Variants in STAG3 observed in about 807,000 individuals in gnomAD.
STAG3 encodes STAG3 cohesin complex component.
Under a neutral mutation model 160.7 loss-of-function variants are expected in STAG3, and 101 were observed. The observed-to-expected ratio is 0.63, with a 90% CI of 0.54 to 0.74. STAG3 has a LOEUF of 0.74. Among genes scored for constraint, STAG3 ranks in the 30% least tolerant of loss-of-function variants. The pLI, the probability that STAG3 is intolerant of heterozygous loss-of-function variation, is 0.00. For missense variants in STAG3, 1,188 were observed against 1,517.4 expected, an observed-to-expected ratio of 0.78 and a Z score of 3.61; for synonymous variants, 519 against 585.0, an observed-to-expected ratio of 0.89 and a Z score of 1.63.
intron 24 of STAG3, 39 bp from the exon 25 acceptor site, chr7:100,202,415 T>G (rs749105745): frequency 1.2e-6 from 2 of 1,610,368 alleles, no homozygotes; most frequent in Admixed American, 3.3e-5. Flanking sequence ...GGCAGGAAGC[T>G]TAAGTCTGTG....
chr7:100,182,307 C>G (rs192812211), intron 3 of STAG3, 115 bp downstream of exon 3: 2 of 708,280 alleles, frequency 2.8e-6, no homozygotes, highest in Non-Finnish European at 4.8e-6. Context: ...TGCAGTGAGC[C>G]GAGATTGCGC....
At chr7:100,213,852 G>T in intron 33 of STAG3, 46 bp downstream of exon 33, 1 of 1,614,110 alleles carries the variant, frequency 6.2e-7, no homozygotes, top group Non-Finnish European at 8.5e-7. Flanking sequence ...GGAAATGCTG[G>T]CAGGCAACCC....
chr7:100,206,087 T>C (rs1035964836), intron 29 of STAG3, among the ~76,000 whole-genome samples: 7 of 151,952 alleles, frequency 4.6e-5, no homozygotes, highest in Admixed American at 2.6e-4. Flanking sequence ...CCATCTCGGC[T>C]CACTGCAAGC....
chr7:100,205,988 CTTA>C (rs1407747827), intron 29 of STAG3, among the ~76,000 whole-genome samples: 2 of 152,062 alleles, frequency 1.3e-5, no homozygotes, highest in Non-Finnish European at 2.9e-5. Context: ...CACCTGTTGT[CTTA>C]TAAGTTGCCT....
At position 100,204,848 on chromosome 7, in the gene STAG3, A is replaced by G. The variant is rs908061787; in HGVS notation, c.2951+73A>G. 9.6e-6 allele frequency: 15 copies of G among 1,560,262 alleles called. No individual in the cohort carries two copies. The African/African-American group carries it at 1.5e-4, about 16-fold the overall frequency. On this transcript the variant is annotated intron_variant, in intron 27 of 33. Transcript: ENST00000615138. ...GGTCTTGGAGGGAGGTCTCGGAGGG[A>G]GGGTATGTGTGTCAAGGCATAGCAG...
chr7:100,199,363 C>T lies in STAG3; in HGVS notation c.1569C>T (p.Asp523=). The part of the protein sequence containing the change: ...EGLTSLLLEK[D]QNLGDVQEST... ...TGACAAGCCTGCTGCTGGAGAAGGA[C>T]CAGAGTACGTGTCACACGGAGCCAG... is the stretch of plus-strand genomic sequence containing the variant. The change falls in exon 15 of 34, where the codon GAC becomes GAT. Residue 523 remains aspartate (D), a synonymous_variant. Transcript: ENST00000615138. 1 of 1,613,446 alleles carries T rather than the reference C, an allele frequency of 6.2e-7. No individual in the cohort carries two copies. The highest frequency in any genetic ancestry group is 8.5e-7 in the Non-Finnish European group (1 of 1,179,416).
intron 5 of STAG3, among the ~76,000 whole-genome samples, chr7:100,186,828 T>A (rs1210522518): frequency 1.3e-5 from 2 of 152,240 alleles, no homozygotes; most frequent in Non-Finnish European, 2.9e-5. Context: ...TGGCACAAAT[T>A]TGAAGACACC....
rs550540407 is a variant in STAG3 at position 100,197,558 on chromosome 7, G to A, written c.1066-220G>A. On this transcript the variant is annotated intron_variant, in intron 10 of 33. Coordinates refer to ENST00000615138, the MANE Select transcript of STAG3 (RefSeq NM_001282717.2). ...ATGGATGGTAATGCAGGTGCTAAGG[G>A]GCAGCCAAAGGATCCTTCTCATCAT... 6.0e-5 allele frequency: 38 copies of A among 634,452 alleles called. No homozygotes were observed. In the East Asian group the frequency reaches 8.0e-4, roughly 13 times the overall value. The allele number at this position is 634,452 out of a possible 1,614,324, so 39.3% of individuals were successfully genotyped here.
At chr7:100,213,174 A>T in intron 32 of STAG3, 1 of 349,124 alleles carries the variant, frequency 2.9e-6, no homozygotes, top group Non-Finnish European at 4.1e-6. Context: ...GCCTGGGCTT[A>T]GAAGGGCATT....
downstream of STAG3, among the ~76,000 whole-genome samples, chr7:100,214,689 G>GCCA (rs1802611389): frequency 6.6e-6 from 1 of 152,150 alleles, no homozygotes; most frequent in Non-Finnish European, 1.5e-5. Context: ...GCCAGGCCAG[G>GCCA]CCATGTGTCC....
At chr7:100,198,765 C>G (rs557251223) in intron 13 of STAG3, 78 bp from the exon 14 acceptor site, 1 of 1,351,894 alleles carries the variant, frequency 7.4e-7, no homozygotes, top group South Asian at 1.2e-5. Context: ...TCTCCTTGGG[C>G]CATCTCCTCC....
At chr7:100,186,137 A>T in intron 4 of STAG3, 63 bp from the exon 5 acceptor site, 1 of 1,280,360 alleles carries the variant, frequency 7.8e-7, no homozygotes, top group Non-Finnish European at 1.1e-6. Flanking sequence ...TGGGAAGATC[A>T]TATAGGATTT....
chr7:100,199,445 G>T, intron 15 of STAG3, 78 bp downstream of exon 15: 1 of 1,549,364 alleles, frequency 6.5e-7, no homozygotes. Context: ...TGCTTCACTT[G>T]TACAAGGCAG....
At chr7:100,200,122 A>C in intron 16 of STAG3, 114 bp from the exon 17 acceptor site, 1 of 663,394 alleles carries the variant, frequency 1.5e-6, no homozygotes. Flanking sequence ...CGTGGGAGCT[A>C]CTGAGTTCTC....
chr7:100,205,192 G>T (rs370772042), intron 28 of STAG3, 35 bp from the exon 29 acceptor site: 9 of 1,613,310 alleles, frequency 5.6e-6, no homozygotes, highest in Non-Finnish European at 7.6e-6. Context: ...GGGCCCAGTA[G>T]CCCCTTCAGG....
In STAG3 at chr7:100,213,940, G is replaced by A. The variant is rs1422870538; in HGVS notation, c.3673-67G>A. 7 of 1,613,634 alleles carry A rather than the reference G, an allele frequency of 4.3e-6. No homozygotes were observed. The South Asian group carries it at 7.7e-5, about 18-fold the overall frequency. ...CTCTGGGGCTTTGAGGGTAACCCAG[G>A]GGAGGATGGTCTGCCCATTGGCCCG... On this transcript the variant is annotated intron_variant, in intron 33 of 33. Coordinates refer to ENST00000615138, the MANE Select transcript of STAG3 (RefSeq NM_001282717.2).
Position 100,202,567 on chromosome 7 carries a change from G to A in STAG3, c.2677G>A (p.Asp893Asn), listed in dbSNP as rs750218368. Residue 893 changes from aspartate to asparagine, a missense_variant, in exon 25 of 34, where the codon GAT becomes AAT. Physicochemically the swap from Asp to Asn is conservative, Grantham distance 23. Around this residue, in one of 4 missense-constraint regions of STAG3, gnomAD observed 647 missense variants for 717.2 expected, o/e 0.90. Transcript: ENST00000615138. ...GGTGCTGGAGATGGATGCAGCCTCA[G>A]ATGTTTTCAAACACTACAACAAGGT... ...YGVLEMDAAS[D>N]VFKHYNKFYN... 1 of 1,613,906 alleles carries A rather than the reference G, an allele frequency of 6.2e-7. No individual in the cohort carries two copies. The highest frequency in any genetic ancestry group is 1.3e-5 in the African/African-American group (1 of 75,014).
intron 8 of STAG3, among the ~76,000 whole-genome samples, chr7:100,192,307 G>A (rs183558952): frequency 1.1e-3 from 164 of 152,200 alleles, no homozygotes; most frequent in Non-Finnish European, 1.5e-3. Context: ...GGTGGACTAC[G>A]TGAGGTGAGG....
intron 4 of STAG3, among the ~76,000 whole-genome samples, chr7:100,185,907 C>T (rs1314435119): frequency 6.6e-6 from 1 of 152,192 alleles, no homozygotes; most frequent in Admixed American, 6.5e-5. Flanking sequence ...AGCTTAGGCT[C>T]TACCTCCTGT....
Sources: allele counts gnomAD v4.1 joint callset (sites outside exome capture counted in the v4.1 genomes callset), GRCh38; gene constraint gnomAD v4.1.1; regional missense constraint gnomAD v4.1.1; transcripts MANE v1.5; gene names NCBI Gene and HGNC (gene_info 2026-07-23, HGNC 2026-07-21).